GALNTL6: variants seen among roughly 807,000 people sequenced by gnomAD.
GALNTL6 encodes the protein polypeptide N-acetylgalactosaminyltransferase like 6.
Under a neutral mutation model 73.7 loss-of-function variants are expected in GALNTL6, and 46 were observed. The observed-to-expected ratio is 0.62, with a 90% CI of 0.49 to 0.80. The LOEUF is 0.80. Among genes scored for constraint, GALNTL6 ranks in the 30% least tolerant of loss-of-function variants. The probability of loss-of-function intolerance (pLI) is 0.00; values close to 1 mark genes in which losing one functional copy is unlikely to be tolerated. For missense variants in GALNTL6, 604 were observed against 755.0 expected, an observed-to-expected ratio of 0.80 and a Z score of 2.34; for synonymous variants, 259 against 263.7, an observed-to-expected ratio of 0.98 and a Z score of 0.17.
intron 2 of GALNTL6, among the ~76,000 whole-genome samples, chr4:171,842,615 A>T (rs750562157): frequency 1.3e-5 from 2 of 152,126 alleles, no homozygotes; most frequent in Non-Finnish European, 2.9e-5. Context: ...TCGACATGTC[A>T]TATGGTGAGA....
rs11947230 is a variant in GALNTL6, at chr4:172,117,836, T to G, written c.139-111820T>G. The stretch of plus-strand genomic sequence containing the variant: ...TTGTAGGCTTCCATTATTAAAAAAG[T>G]TTCCAAATAGGAAAACTAAACTAAA... On this transcript the variant is annotated intron_variant, in intron 2 of 12. Coordinates refer to ENST00000506823, the MANE Select transcript of GALNTL6 (RefSeq NM_001034845.3). Among the ~76,000 whole-genome samples, 1,236 of 152,026 alleles carry G rather than the reference T, an allele frequency of 8.1e-3. 20 individuals are homozygous for G. The highest frequency in any genetic ancestry group is 0.028 in the African/African-American group (1,168 of 41,494).
At chr4:172,787,214 C>T (rs1349975409) in intron 5 of GALNTL6, among the ~76,000 whole-genome samples, 4 of 152,148 alleles carry the variant, frequency 2.6e-5, no homozygotes, top group Non-Finnish European at 5.9e-5. Flanking sequence ...ATAATGACCT[C>T]GTTCAAAACA....
intron 5 of GALNTL6, among the ~76,000 whole-genome samples, chr4:172,701,289 A>T (rs1237301565): frequency 6.6e-6 from 1 of 152,168 alleles, no homozygotes; most frequent in Non-Finnish European, 1.5e-5. Flanking sequence ...GTCATTAATC[A>T]TGCAGAAAAG....
intron 5 of GALNTL6, among the ~76,000 whole-genome samples, chr4:172,515,120 T>C (rs923328698): frequency 6.6e-6 from 1 of 152,236 alleles, no homozygotes; most frequent in East Asian, 1.9e-4. Flanking sequence ...CTATGAGATG[T>C]AGATGTACAA....
intron 2 of GALNTL6, among the ~76,000 whole-genome samples, chr4:171,851,317 A>G (rs1274232514): frequency 6.6e-6 from 1 of 152,166 alleles, no homozygotes; most frequent in Non-Finnish European, 1.5e-5. Context: ...GAATCAGTCA[A>G]AAGAATATCA....
chr4:172,408,703 G>C (rs1249770111), intron 5 of GALNTL6, among the ~76,000 whole-genome samples: 2 of 151,742 alleles, frequency 1.3e-5, no homozygotes, highest in African/African-American at 4.8e-5. Context: ...GTTGTTAGTA[G>C]GCGAGGAAAT....
intron 2 of GALNTL6, among the ~76,000 whole-genome samples, chr4:172,026,521 T>C (rs1402418320): frequency 1.3e-5 from 2 of 152,180 alleles, no homozygotes; most frequent in African/African-American, 4.8e-5. Context: ...AACTGAGGGA[T>C]TGAATTTTTA....
chr4:172,438,218 C>A (rs1213209962), intron 5 of GALNTL6, among the ~76,000 whole-genome samples: 2 of 152,084 alleles, frequency 1.3e-5, no homozygotes, highest in Non-Finnish European at 2.9e-5. Flanking sequence ...ATGCAGTGGT[C>A]TCTCAGTCCC....
rs180886866 is a variant in GALNTL6 at position 172,480,313 on chromosome 4, A to C, written c.553+131624A>C. On this transcript the variant is annotated intron_variant, in intron 5 of 12. Transcript: ENST00000506823. ...AGGCAACAGGGCGAGGCCCTGTCTC[A>C]AAAAAGAAAAAAAAAAAGTCATAAC... Among the ~76,000 whole-genome samples the C allele has an allele frequency of 1.6e-3, 236 of 152,074 alleles. 1 individual carries two copies. Among genetic ancestry groups the C allele is most frequent in the African/African-American group, 5.6e-3 (231 of 41,478 alleles).
At chr4:172,577,525 T>C (rs746863261) in intron 5 of GALNTL6, among the ~76,000 whole-genome samples, 1 of 152,194 alleles carries the variant, frequency 6.6e-6, no homozygotes. Flanking sequence ...AGTTCAGTAT[T>C]GTAATAGCTA....
intron 5 of GALNTL6, among the ~76,000 whole-genome samples, chr4:172,651,297 G>C: frequency 6.6e-6 from 1 of 152,216 alleles, no homozygotes; most frequent in African/African-American, 2.4e-5. Flanking sequence ...AAAGGGAAAT[G>C]ATATTGCAAC....
chr4:172,281,936 G>A (rs1180344971), intron 3 of GALNTL6, among the ~76,000 whole-genome samples: 2 of 151,162 alleles, frequency 1.3e-5, no homozygotes, highest in African/African-American at 4.9e-5. Flanking sequence ...TTTTAATGTA[G>A]CATTATTGTG....
At chr4:172,089,072 T>G (rs1219391631) in intron 2 of GALNTL6, among the ~76,000 whole-genome samples, 1 of 152,140 alleles carries the variant, frequency 6.6e-6, no homozygotes, top group Non-Finnish European at 1.5e-5. Context: ...AGCACTTTTC[T>G]CCACACCCAA....
chr4:171,830,977 AG>A (rs1304944610), intron 2 of GALNTL6, among the ~76,000 whole-genome samples: 1 of 152,184 alleles, frequency 6.6e-6, no homozygotes, highest in Non-Finnish European at 1.5e-5. Context: ...CTTTAAAAAA[AG>A]CATGTGGTTG....
chr4:172,828,873 C>T (rs1279797768), intron 7 of GALNTL6, among the ~76,000 whole-genome samples: 1 of 152,166 alleles, frequency 6.6e-6, no homozygotes. Context: ...GCTTCCATAA[C>T]AAAGTACTAC....
intron 5 of GALNTL6, among the ~76,000 whole-genome samples, chr4:172,565,157 A>G (rs887649429): frequency 2.0e-5 from 3 of 152,216 alleles, no homozygotes; most frequent in African/African-American, 7.2e-5. Context: ...TTATGAAGGC[A>G]AAGATCTCAA....
chr4:171,903,700 C>G (rs533593459), intron 2 of GALNTL6, among the ~76,000 whole-genome samples: 6 of 151,480 alleles, frequency 4.0e-5, no homozygotes, highest in African/African-American at 1.5e-4. Flanking sequence ...AGGGCACAGA[C>G]AAACAAAAAG....
Position 171,814,474 on chromosome 4 carries a change from C to T in GALNTL6, c.-107C>T. 8.1e-7 allele frequency: 1 copy of T among 1,234,244 alleles called. No homozygotes were observed. The highest frequency in any genetic ancestry group is 1.1e-6 in the Non-Finnish European group (1 of 871,494). The allele number at this position is 1,234,244 out of a possible 1,614,324, so 76.5% of individuals were successfully genotyped here. The stretch of plus-strand genomic sequence containing the variant: ...AGCACGCAACAAAAGTTTGTAGCTT[C>T]TCAGTTTCTGGTGCTTCGCAGGGGA... On this transcript the variant is annotated 5_prime_UTR_variant, in exon 2 of 13. Transcript: ENST00000506823.
At chr4:172,830,946 G>T (rs1386707181) in intron 7 of GALNTL6, among the ~76,000 whole-genome samples, 1 of 152,044 alleles carries the variant, frequency 6.6e-6, no homozygotes, top group African/African-American at 2.4e-5. Context: ...GATCACTTGA[G>T]GTCATGAGCT....
Sources: gnomAD v4.1 joint callset for allele counts (sites outside exome capture counted in the v4.1 genomes callset) on GRCh38, gnomAD v4.1.1 for gene constraint, MANE v1.5 for transcripts, NCBI Gene and HGNC (gene_info 2026-07-23, HGNC 2026-07-21) for gene names.